KCNB2: variants seen among roughly 807,000 people sequenced by gnomAD.
The protein encoded by KCNB2 is potassium voltage-gated channel subfamily B member 2.
A neutral mutation model predicts 61.5 loss-of-function variants in KCNB2; 15 were observed. That is an observed-to-expected ratio of 0.24 (90% CI 0.16 to 0.38). The LOEUF is 0.38. Among genes scored for constraint, KCNB2 ranks in the 10% least tolerant of loss-of-function variants. The pLI, the probability that KCNB2 is intolerant of heterozygous loss-of-function variation, is 1.00. For missense variants in KCNB2, 828 were observed against 1,125.2 expected (o/e 0.74, Z 3.78); for synonymous variants, 457 against 446.0 (o/e 1.02, Z -0.31).
At chr8:72,678,944 T>G (rs576292455) in intron 2 of KCNB2, among the ~76,000 whole-genome samples, 35 of 152,324 alleles carry the variant, frequency 2.3e-4, no homozygotes, top group African/African-American at 7.7e-4. Context: ...CTGTGCAGAT[T>G]CTTGTGGTGA....
intron 2 of KCNB2, among the ~76,000 whole-genome samples, chr8:72,821,940 G>T (rs911319424): frequency 1.3e-5 from 2 of 152,106 alleles, no homozygotes; most frequent in Non-Finnish European, 2.9e-5. Flanking sequence ...CAGTTACCAA[G>T]TCCAGTGGAT....
chr8:72,713,005 G>C (rs889002853), intron 2 of KCNB2, among the ~76,000 whole-genome samples: 1 of 152,224 alleles, frequency 6.6e-6, no homozygotes. Flanking sequence ...GGCACACCAG[G>C]AGATTATATC....
chr8:72,604,255 A>G (rs1805412236), intron 2 of KCNB2, among the ~76,000 whole-genome samples: 1 of 152,190 alleles, frequency 6.6e-6, no homozygotes, highest in Non-Finnish European at 1.5e-5. Context: ...AACACAACCT[A>G]TACACAATGA....
chr8:72,538,555 G>A (rs919663595), intron 1 of KCNB2, among the ~76,000 whole-genome samples: 3 of 152,058 alleles, frequency 2.0e-5, no homozygotes, highest in Non-Finnish European at 4.4e-5. Flanking sequence ...CTGTCAGTGT[G>A]CAATATGCAC....
chr8:72,555,980 C>G (rs1235551574), intron 1 of KCNB2, among the ~76,000 whole-genome samples: 3 of 151,970 alleles, frequency 2.0e-5, no homozygotes, highest in Non-Finnish European at 4.4e-5. Context: ...AATATTTTCT[C>G]TCTTTGTCCA....
chr8:72,580,719 C>A (rs917366559), intron 2 of KCNB2, among the ~76,000 whole-genome samples: 2 of 152,112 alleles, frequency 1.3e-5, no homozygotes, highest in African/African-American at 4.8e-5. Context: ...TTTACTTATC[C>A]TATTCCTTTT....
intron 2 of KCNB2, among the ~76,000 whole-genome samples, chr8:72,922,198 T>C (rs1403011739): frequency 6.6e-6 from 1 of 152,228 alleles, no homozygotes; most frequent in East Asian, 1.9e-4. Flanking sequence ...TGTTGTTACA[T>C]GGCTATCTGC....
chr8:72,651,940 T>C (rs1163710003), intron 2 of KCNB2, among the ~76,000 whole-genome samples: 1 of 152,134 alleles, frequency 6.6e-6, no homozygotes, highest in African/African-American at 2.4e-5. Flanking sequence ...ATTTGCCCCA[T>C]CTTGGTAAAT....
At chr8:72,678,685 A>G (rs1350267802) in intron 2 of KCNB2, among the ~76,000 whole-genome samples, 1 of 152,158 alleles carries the variant, frequency 6.6e-6, no homozygotes, top group Non-Finnish European at 1.5e-5. Context: ...ACAACACTGA[A>G]AGATTTATGA....
intron 2 of KCNB2, among the ~76,000 whole-genome samples, chr8:72,784,247 C>A (rs941708038): frequency 9.9e-5 from 15 of 152,098 alleles, no homozygotes; most frequent in African/African-American, 3.6e-4. Context: ...ATCAGCAGCT[C>A]CCCAACCACC....
intron 1 of KCNB2, among the ~76,000 whole-genome samples, chr8:72,543,616 C>T (rs1806221322): frequency 6.6e-6 from 1 of 152,210 alleles, no homozygotes; most frequent in Non-Finnish European, 1.5e-5. Context: ...TTCTATCATT[C>T]CTAGAAAATT....
intron 2 of KCNB2, among the ~76,000 whole-genome samples, chr8:72,733,161 A>G (rs1376061999): frequency 3.9e-5 from 6 of 152,202 alleles, no homozygotes; most frequent in Admixed American, 3.9e-4. Context: ...TGTTATACTA[A>G]GAGTTGTAAC....
chr8:72,922,336 A>G (rs1806540645), intron 2 of KCNB2, among the ~76,000 whole-genome samples: 3 of 152,210 alleles, frequency 2.0e-5, no homozygotes, highest in Admixed American at 6.5e-5. Context: ...CCATTTCCAA[A>G]TAAGATCACA....
rs1489077946 is a variant in KCNB2, at chr8:72,936,666, G to C, written c.1311G>C (p.Arg437Ser). ...GCCAAGAGAAAGCAATTAAAAGGAG[G>C]GAGGCTCTTGAGCGGGCCAAAAGGA... is the stretch of plus-strand genomic sequence containing the variant. ...QKRQEKAIKR[R>S]EALERAKRNG... The change falls in exon 3 of 3, where the codon AGG becomes AGC. Residue 437 changes from arginine to serine, a missense_variant. Arg to Ser is a moderately radical substitution (Grantham distance 110). Coordinates refer to ENST00000523207, the MANE Select transcript of KCNB2 (RefSeq NM_004770.3). This position sits in a 1 kb window ranked among gnomAD's most constrained non-coding sequence, Gnocchi z 5.6. 6.2e-7 allele frequency: 1 copy of C among 1,614,180 alleles called. No homozygotes were observed. Among genetic ancestry groups the C allele is most frequent in the Admixed American group, 1.7e-5 (1 of 60,020 alleles).
At chr8:72,717,871 C>A (rs28841726) in intron 2 of KCNB2, among the ~76,000 whole-genome samples, 60,830 of 151,894 alleles carry the variant, frequency 0.4, 14,544 homozygotes, top group Non-Finnish European at 0.56. Context: ...TCAGAGTGAA[C>A]AGGCAACCTA....
chr8:72,678,949 T>C (rs1013185796), intron 2 of KCNB2, among the ~76,000 whole-genome samples: 17 of 152,182 alleles, frequency 1.1e-4, no homozygotes, highest in African/African-American at 4.1e-4. Context: ...CAGATTCTTG[T>C]GGTGATGCCC....
intron 2 of KCNB2, among the ~76,000 whole-genome samples, chr8:72,591,225 G>T (rs1278738037): frequency 6.6e-6 from 1 of 152,100 alleles, no homozygotes; most frequent in Admixed American, 6.6e-5. Context: ...GCATTCGGAG[G>T]TTTAATAGGT....
At chr8:72,725,129 A>AT (rs1371507925) in intron 2 of KCNB2, among the ~76,000 whole-genome samples, 8 of 152,090 alleles carry the variant, frequency 5.3e-5, no homozygotes, top group Non-Finnish European at 1.0e-4. Flanking sequence ...CAAAAGAATA[A>AT]TTTTTCTCCC....
chr8:72,593,584 T>C (rs1423155327), intron 2 of KCNB2, among the ~76,000 whole-genome samples: 3 of 152,222 alleles, frequency 2.0e-5, no homozygotes, highest in African/African-American at 7.2e-5. Context: ...AGTTTAGAAC[T>C]GATGTGAGAT....
Sources: gnomAD v4.1 joint callset for allele counts (sites outside exome capture counted in the v4.1 genomes callset) on GRCh38, gnomAD v4.1.1 for gene constraint, Gnocchi (gnomAD v3.1) non-coding constraint, MANE v1.5 for transcripts, NCBI Gene and HGNC (gene_info 2026-07-23, HGNC 2026-07-21) for gene names.